Variants in NSUN3 observed in about 807,000 individuals in gnomAD.
NSUN3 encodes NOP2/Sun RNA methyltransferase 3, also known as tRNA (cytosine(34)-C(5))-methyltransferase, mitochondrial.
NSUN3 carries 24 observed loss-of-function variants against 36.8 expected under a neutral mutation model. The ratio of observed to expected loss-of-function variants is 0.65; its 90% CI spans 0.47 to 0.92. NSUN3 has a LOEUF of 0.92. NSUN3 is among the 40% of genes least tolerant of loss of function. The pLI is 0.00. For synonymous variants in NSUN3, 146 were observed against 145.2 expected (o/e 1.01, Z -0.04); for missense variants, 381 against 392.8 (o/e 0.97, Z 0.25).
At position 94,104,173 on chromosome 3, in the gene NSUN3, C is replaced by T. The variant is rs532944263; in HGVS notation, c.743+9019C>T. ...TATGTTGTGACATAACCTAAATGCTCCCCATTGTGTGAGGCGACCTGTGAA... is the reference window on the plus strand; with the variant it reads ...TATGTTGTGACATAACCTAAATGCTTCCCATTGTGTGAGGCGACCTGTGAA... On this transcript the variant is annotated intron_variant, in intron 5 of 5. Coordinates refer to ENST00000314622, the MANE Select transcript of NSUN3 (RefSeq NM_022072.5). 3.3e-5 allele frequency among the ~76,000 whole-genome samples: 5 copies of T among 152,194 alleles called. No individual in the cohort carries two copies. The South Asian group carries it at 1.0e-3, about 32-fold the overall frequency.
rs1259271579 is a variant in NSUN3, at chr3:94,084,112, T to C, written c.128T>C (p.Ile43Thr). Residue 43 changes from isoleucine (I) to threonine (T), a missense_variant, in exon 3 of 6, where the codon ATA becomes ACA. By Grantham distance (89) the Ile-to-Thr change is moderately conservative. Coordinates refer to ENST00000314622, the MANE Select transcript of NSUN3 (RefSeq NM_022072.5). The stretch of plus-strand genomic sequence containing the variant: ...TTCTCTTTTTCTATTTCTAGGGAGA[T>C]ACTAACATCTCCATCATGCTGGCAA... ...LGDAWNTVREILTSPSCWQYA... is the reference protein window; with the variant it reads ...LGDAWNTVRETLTSPSCWQYA... 1 of 1,609,580 alleles carries C rather than the reference T, an allele frequency of 6.2e-7. No individual in the cohort carries two copies. Among genetic ancestry groups the C allele is most frequent in the African/African-American group, 1.3e-5 (1 of 74,820 alleles).
At chr3:94,099,271 G>A (rs1418380597) in intron 5 of NSUN3, among the ~76,000 whole-genome samples, 2 of 151,830 alleles carry the variant, frequency 1.3e-5, no homozygotes, top group Non-Finnish European at 2.9e-5. Flanking sequence ...TCTTAATATC[G>A]TATAGCATTT....
chr3:94,095,706 T>C (rs1415046366), intron 5 of NSUN3, among the ~76,000 whole-genome samples: 1 of 152,142 alleles, frequency 6.6e-6, no homozygotes, highest in Non-Finnish European at 1.5e-5. Flanking sequence ...CCTACTCCCA[T>C]GTAATTCTCT....
chr3:94,118,062 T>C (rs1431522182), intron 5 of NSUN3, among the ~76,000 whole-genome samples: 2 of 152,318 alleles, frequency 1.3e-5, no homozygotes, highest in East Asian at 3.9e-4. Context: ...AACAATAATT[T>C]ATTGTATATT....
At chr3:94,080,240 G>A (rs899876161) in intron 2 of NSUN3, among the ~76,000 whole-genome samples, 13 of 152,160 alleles carry the variant, frequency 8.5e-5, no homozygotes, top group African/African-American at 2.2e-4. Flanking sequence ...TATCACCAGC[G>A]GAGGCTGCAG....
intron 3 of NSUN3, among the ~76,000 whole-genome samples, chr3:94,089,932 A>G (rs2077307721): frequency 6.6e-6 from 1 of 152,174 alleles, no homozygotes; most frequent in Non-Finnish European, 1.5e-5. Flanking sequence ...TTTACCTCCC[A>G]CTAACACTTT....
intron 5 of NSUN3, among the ~76,000 whole-genome samples, chr3:94,124,604 C>T (rs533746650): frequency 9.9e-5 from 15 of 151,952 alleles, no homozygotes; most frequent in Non-Finnish European, 1.5e-4. Flanking sequence ...TGAAGGATCC[C>T]AGTCATATTC....
At chr3:94,078,081 C>A (rs2077254092) in intron 2 of NSUN3, among the ~76,000 whole-genome samples, 1 of 152,176 alleles carries the variant, frequency 6.6e-6, no homozygotes. Context: ...GCATTTAGTG[C>A]TGTAAATCTC....
intron 3 of NSUN3, among the ~76,000 whole-genome samples, chr3:94,087,966 A>G (rs1193194255): frequency 1.3e-5 from 2 of 152,116 alleles, no homozygotes; most frequent in South Asian, 4.1e-4. Context: ...ACTGAGCCCA[A>G]TAGTGATAAC....
intron 5 of NSUN3, among the ~76,000 whole-genome samples, chr3:94,122,591 A>T (rs930238857): frequency 9.9e-5 from 15 of 152,056 alleles, no homozygotes; most frequent in African/African-American, 3.4e-4. Flanking sequence ...ATACACTTAG[A>T]CCTACATTTC....
chr3:94,077,060 C>T lies in NSUN3; in HGVS notation c.123-7047C>T, dbSNP rs1170461871. ...GCAGTTAGGCTGGGCCACTCCAGAG[C>T]CTGCGTCATCACCAAATCATAAAGA... On this transcript the variant is annotated intron_variant, in intron 2 of 5. Transcript: ENST00000314622. 7 of 793,418 alleles carry T rather than the reference C, an allele frequency of 8.8e-6. No individual in the cohort carries two copies. The East Asian group carries it at 1.7e-4, about 19-fold the overall frequency. The allele number at this position is 793,418 out of a possible 1,614,324, so 49.1% of individuals were successfully genotyped here. A position where few individuals can be genotyped will look rare whatever the true frequency, so the allele number is the denominator to read the frequency against.
intron 5 of NSUN3, among the ~76,000 whole-genome samples, chr3:94,106,637 C>A (rs1280725582): frequency 1.3e-5 from 2 of 152,084 alleles, no homozygotes; most frequent in Non-Finnish European, 2.9e-5. Context: ...TTAATGTTTT[C>A]TTTGGTCGTA....
At chr3:94,080,108 G>C (rs1419290966) in intron 2 of NSUN3, among the ~76,000 whole-genome samples, 1 of 151,908 alleles carries the variant, frequency 6.6e-6, no homozygotes, top group Non-Finnish European at 1.5e-5. Flanking sequence ...TTGGCTGGTG[G>C]GGTCTTTGAG....
rs192540066 is a variant in NSUN3, at chr3:94,063,980, G to T, written c.13-457G>T. ...TCTCCCACCTCAGCCCCCTGAGTAG[G>T]TGGGGTTACAGGCGCCCACCACTAC... is the stretch of plus-strand genomic sequence containing the variant. On this transcript the variant is annotated intron_variant, in intron 1 of 5. Transcript: ENST00000314622. The T allele has an allele frequency of 3.1e-3, 483 of 157,006 alleles. 5 individuals carry two copies. The highest frequency in any genetic ancestry group is 9.9e-3 in the Middle Eastern group (3 of 302). 9.7% of individuals were successfully genotyped at this position (157,006 alleles called of 1,614,324 possible).
intron 2 of NSUN3, among the ~76,000 whole-genome samples, chr3:94,069,135 G>A (rs556922100): frequency 3.9e-5 from 6 of 152,270 alleles, no homozygotes; most frequent in African/African-American, 1.2e-4. Flanking sequence ...CTCAGATCCC[G>A]TAGTATGAAG....
At chr3:94,066,922 A>T (rs2077206154) in intron 2 of NSUN3, among the ~76,000 whole-genome samples, 1 of 152,132 alleles carries the variant, frequency 6.6e-6, no homozygotes, top group Non-Finnish European at 1.5e-5. Context: ...AACCTTATAT[A>T]AAAATAGGTC....
At chr3:94,107,808 A>C (rs1387053906) in intron 5 of NSUN3, among the ~76,000 whole-genome samples, 3 of 152,164 alleles carry the variant, frequency 2.0e-5, no homozygotes, top group African/African-American at 7.2e-5. Context: ...AAAGGTTACC[A>C]AACTGTTCTA....
chr3:94,096,184 C>A (rs1471815731), intron 5 of NSUN3, among the ~76,000 whole-genome samples: 1 of 152,152 alleles, frequency 6.6e-6, no homozygotes, highest in African/African-American at 2.4e-5. Flanking sequence ...TGATACACAA[C>A]AATAAACATA....
At chr3:94,103,849 T>G (rs1273954788) in intron 5 of NSUN3, among the ~76,000 whole-genome samples, 2 of 152,230 alleles carry the variant, frequency 1.3e-5, no homozygotes, top group Non-Finnish European at 2.9e-5. Flanking sequence ...GCCTGGTAAC[T>G]CTTTGGGAAG....
Sources: allele counts gnomAD v4.1 joint callset (sites outside exome capture counted in the v4.1 genomes callset), GRCh38; gene constraint gnomAD v4.1.1; transcripts MANE v1.5; gene names NCBI Gene and HGNC (gene_info 2026-07-23, HGNC 2026-07-21).